GRIK4: variants seen among roughly 807,000 people sequenced by gnomAD.
The protein encoded by GRIK4 is glutamate ionotropic receptor kainate type subunit 4.
GRIK4 carries 40 observed loss-of-function variants against 104.9 expected under a neutral mutation model. The ratio of observed to expected loss-of-function variants is 0.38; its 90% CI spans 0.30 to 0.50. The LOEUF is 0.50. Among genes scored for constraint, GRIK4 ranks in the 20% least tolerant of loss-of-function variants. GRIK4 has a pLI of 0.93. For synonymous variants in GRIK4, 485 were observed against 524.9 expected, an observed-to-expected ratio of 0.92 and a Z score of 1.04; for missense variants, 1,047 against 1,308.1, an observed-to-expected ratio of 0.80 and a Z score of 3.08.
chr11:120,720,701 G>A (rs1397582596), intron 3 of GRIK4, among the ~76,000 whole-genome samples: 1 of 152,164 alleles, frequency 6.6e-6, no homozygotes, highest in Non-Finnish European at 1.5e-5. Flanking sequence ...TGCAAGGGTG[G>A]GGGTTAGGGA....
intron 1 of GRIK4, among the ~76,000 whole-genome samples, chr11:120,562,888 G>C (rs1326211518): frequency 1.3e-5 from 2 of 152,208 alleles, no homozygotes; most frequent in Admixed American, 1.3e-4. Context: ...CCAGGTCAGG[G>C]GATCAGAATG....
chr11:120,831,982 C>T lies in GRIK4; in HGVS notation c.642C>T (p.Thr214=). The T allele has an allele frequency of 6.2e-7, 1 of 1,613,868 alleles. No individual in the cohort carries two copies. Among genetic ancestry groups the T allele is most frequent in the South Asian group, 1.1e-5 (1 of 91,052 alleles). Residue 214 remains threonine, a synonymous_variant, in exon 7 of 21, where the codon ACC becomes ACT. Coordinates refer to ENST00000527524, the MANE Select transcript of GRIK4 (RefSeq NM_014619.5). Reference sequence around the variant, plus strand: ...AGATCCGGGACGACAAGACCGCCACCATCATCATCCACGCCAACGCCTCCA... The same window carrying T: ...AGATCCGGGACGACAAGACCGCCACTATCATCATCCACGCCAACGCCTCCA... ...LKEIRDDKTA[T]IIIHANASMS... is the part of the protein sequence containing the mutation.
chr11:120,950,803 G>A (rs1456888952), intron 14 of GRIK4, among the ~76,000 whole-genome samples: 2 of 152,204 alleles, frequency 1.3e-5, no homozygotes, highest in African/African-American at 4.8e-5. Flanking sequence ...CTTGGATTCT[G>A]CTGCTCTGGA....
At chr11:120,663,617 C>T (rs1220757686) in intron 3 of GRIK4, among the ~76,000 whole-genome samples, 2 of 152,194 alleles carry the variant, frequency 1.3e-5, no homozygotes, top group African/African-American at 4.8e-5. Context: ...CGCTAGGCTC[C>T]AAGCCTACCT....
At position 120,778,987 on chromosome 11, in the gene GRIK4, C is replaced by T. The variant is rs1477838661; in HGVS notation, c.83-23706C>T. Among the ~76,000 whole-genome samples, 4 of 152,184 alleles carry T rather than the reference C, an allele frequency of 2.6e-5. No homozygotes were observed. The East Asian group carries it at 5.8e-4, about 22-fold the overall frequency. On this transcript the variant is annotated intron_variant, in intron 3 of 20. Coordinates refer to ENST00000527524, the MANE Select transcript of GRIK4 (RefSeq NM_014619.5). ...ATCTCAGGCCCCCTGCTGTTCAGCC[C>T]CTGCTCTGAGAGCACCTTGACTGCT...
intron 11 of GRIK4, among the ~76,000 whole-genome samples, chr11:120,896,883 G>A (rs1424920053): frequency 3.3e-5 from 5 of 152,194 alleles, no homozygotes; most frequent in African/African-American, 4.8e-5. Context: ...ATTTCATTGC[G>A]TTTTTAGCCA....
chr11:120,699,301 G>A (rs574714386), intron 3 of GRIK4, among the ~76,000 whole-genome samples: 1 of 152,228 alleles, frequency 6.6e-6, no homozygotes, highest in South Asian at 2.1e-4. Context: ...CTCCTCCAGG[G>A]GTCCTGCTCT....
chr11:120,820,082 CGTGTGTGTGTGTGT>C (rs35140379), intron 6 of GRIK4, among the ~76,000 whole-genome samples, 162 bp downstream of exon 6: 138 of 144,834 alleles, frequency 9.5e-4, no homozygotes, highest in Middle Eastern at 3.6e-3. Flanking sequence ...CTCATGTGTC[CGTGTGTGTGTGTGT>C]GTGTGTGTGT....
chr11:120,876,936 C>A (rs928501843), intron 11 of GRIK4, among the ~76,000 whole-genome samples: 2 of 152,236 alleles, frequency 1.3e-5, no homozygotes, highest in Admixed American at 1.3e-4. Flanking sequence ...CTGCCTCCTG[C>A]TTCTGGGTCC....
intron 3 of GRIK4, among the ~76,000 whole-genome samples, chr11:120,668,232 C>G (rs1949954089): frequency 7.1e-6 from 1 of 140,652 alleles, no homozygotes; most frequent in Non-Finnish European, 1.5e-5. Flanking sequence ...GGTAGGCAGA[C>G]AGAGAGATAG....
At chr11:120,744,379 T>C (rs979642800) in intron 3 of GRIK4, among the ~76,000 whole-genome samples, 1 of 152,194 alleles carries the variant, frequency 6.6e-6, no homozygotes, top group Non-Finnish European at 1.5e-5. Context: ...GTCAATCATG[T>C]TAGCCTTTTT....
chr11:120,985,367 C>T (rs1944724830), intron 20 of GRIK4, among the ~76,000 whole-genome samples: 1 of 152,152 alleles, frequency 6.6e-6, no homozygotes, highest in Admixed American at 6.5e-5. Flanking sequence ...TTACCCTCCT[C>T]TTGTTTTGGT....
chr11:120,563,129 T>C (rs1011920418), intron 1 of GRIK4, among the ~76,000 whole-genome samples: 1 of 152,212 alleles, frequency 6.6e-6, no homozygotes, highest in Non-Finnish European at 1.5e-5. Flanking sequence ...CTCCCTTCTT[T>C]TGTCAGTTGC....
rs1221842783 is a variant in GRIK4 at position 120,715,445 on chromosome 11, AC to A, written c.82+55051del. On this transcript the variant is annotated intron_variant, in intron 3 of 20. Coordinates refer to ENST00000527524, the MANE Select transcript of GRIK4 (RefSeq NM_014619.5). ...AACAAAAGCAATTGGAAGCTCATGA[AC>A]CCCCCTAGAGGTTGTTCTGTGAATG... is the stretch of plus-strand genomic sequence containing the variant. Among the ~76,000 whole-genome samples the A allele has an allele frequency of 7.2e-5, 11 of 152,034 alleles. No individual in the cohort carries two copies. In the East Asian group the frequency reaches 1.9e-3, roughly 27 times the overall value.
chr11:120,746,477 A>C (rs1565328449), intron 3 of GRIK4, among the ~76,000 whole-genome samples: 1 of 152,092 alleles, frequency 6.6e-6, no homozygotes. Context: ...GAGAAGAGCA[A>C]ACTGCTCCTT....
At chr11:120,881,392 A>G (rs1028740137) in intron 11 of GRIK4, among the ~76,000 whole-genome samples, 2 of 152,108 alleles carry the variant, frequency 1.3e-5, no homozygotes, top group South Asian at 2.1e-4. Flanking sequence ...TCCTTAGACC[A>G]TGGATTTATT....
At chr11:120,761,010 G>A (rs538235146) in intron 3 of GRIK4, among the ~76,000 whole-genome samples, 2 of 152,228 alleles carry the variant, frequency 1.3e-5, no homozygotes, top group East Asian at 3.9e-4. Context: ...CTAGATCCTT[G>A]AGGAATCGCC....
chr11:120,906,673 AT>A (rs1942873790), intron 13 of GRIK4, among the ~76,000 whole-genome samples: 1 of 152,268 alleles, frequency 6.6e-6, no homozygotes, highest in Non-Finnish European at 1.5e-5. Flanking sequence ...GAGGTATTAA[AT>A]AAGCAGTCCT....
chr11:120,532,824 A>G lies in GRIK4; in HGVS notation c.-159+20937A>G, dbSNP rs1338976086. On this transcript the variant is annotated intron_variant, in intron 1 of 20. Coordinates refer to ENST00000527524, the MANE Select transcript of GRIK4 (RefSeq NM_014619.5). ...TGTCCCCTTTCTTTTGGGGTTTTAG[A>G]TGCTTTGGGCTTCTCCTTGGAAGGG... Among the ~76,000 whole-genome samples the G allele has an allele frequency of 2.0e-5, 3 of 151,656 alleles. No homozygotes were observed. The East Asian group carries it at 5.9e-4, about 30-fold the overall frequency.
Sources: allele counts gnomAD v4.1 joint callset (sites outside exome capture counted in the v4.1 genomes callset), GRCh38; gene constraint gnomAD v4.1.1; transcripts MANE v1.5; gene names NCBI Gene and HGNC (gene_info 2026-07-23, HGNC 2026-07-21).